SBNO1: variants seen among roughly 807,000 people sequenced by gnomAD.
SBNO1 encodes strawberry notch homolog 1.
A neutral mutation model predicts 173.6 loss-of-function variants in SBNO1; 23 were observed. The observed-to-expected ratio is 0.13, with a 90% CI of 0.10 to 0.19. The LOEUF (loss-of-function observed/expected upper bound fraction) is 0.19, where lower values mean the gene tolerates loss of function less well. Among genes scored for constraint, SBNO1 ranks in the 10% least tolerant of loss-of-function variants. The probability of loss-of-function intolerance (pLI) is 1.00; values close to 1 mark genes in which losing one functional copy is unlikely to be tolerated. For synonymous variants in SBNO1, 632 were observed against 571.5 expected (o/e 1.11, Z -1.51); for missense variants, 1,238 against 1,671.2 (o/e 0.74, Z 4.52).
At position 123,293,178 on chromosome 12, in the gene SBNO1, G is replaced by C. The variant is rs1344753925; in HGVS notation, c.*2730C>G. ...AACAAGGCCTCTGAATTCAGGTGTG[G>C]CATTTAGATCCTGCAATGAATGGAC... On this transcript the variant is annotated 3_prime_UTR_variant, in exon 32 of 32. Transcript: ENST00000602398. 1 of 152,188 alleles carries C rather than the reference G, an allele frequency of 6.6e-6. No individual in the cohort carries two copies. The highest frequency in any genetic ancestry group is 1.9e-4 in the East Asian group (1 of 5,196). 9.4% of individuals were successfully genotyped at this position (152,188 alleles called of 1,614,324 possible).
intron 25 of SBNO1, among the ~76,000 whole-genome samples, chr12:123,310,777 C>CG (rs1445522591): frequency 6.6e-6 from 1 of 152,016 alleles, no homozygotes; most frequent in East Asian, 1.9e-4. Flanking sequence ...TTGTGATCTA[C>CG]CCACCTCAGC....
At chr12:123,346,123 T>C (rs1873104712) in intron 3 of SBNO1, among the ~76,000 whole-genome samples, 1 of 151,958 alleles carries the variant, frequency 6.6e-6, no homozygotes, top group African/African-American at 2.4e-5. Flanking sequence ...AAACCGAAAA[T>C]AACAGGACTA....
chr12:123,302,998 A>T, intron 29 of SBNO1, 98 bp from the exon 30 acceptor site: 2 of 885,678 alleles, frequency 2.3e-6, no homozygotes, highest in Non-Finnish European at 3.7e-6. Context: ...AATTTAAAAT[A>T]ATCTCTACAC....
rs376548231 is a variant in SBNO1 at position 123,341,094 on chromosome 12, G to T, written c.551-6C>A. The T allele has an allele frequency of 1.4e-6, 2 of 1,460,784 alleles. No individual in the cohort carries two copies. Among genetic ancestry groups the T allele is most frequent in the Non-Finnish European group, 9.3e-7 (1 of 1,073,752 alleles). The allele number at this position is 1,460,784 out of a possible 1,614,324, so 90.5% of individuals were successfully genotyped here. Reference sequence around the variant, plus strand: ...TGTACCATTGCTTACATCAGCTGAGGAGGAAAAAGTCAAATTACATTTAGA... The same window carrying T: ...TGTACCATTGCTTACATCAGCTGAGTAGGAAAAAGTCAAATTACATTTAGA... On this transcript the variant is annotated splice_region_variant and splice_polypyrimidine_tract_variant and intron_variant, in intron 4 of 31. Transcript: ENST00000602398.
intron 1 of SBNO1, among the ~76,000 whole-genome samples, chr12:123,361,603 G>A (rs1181082021): frequency 3.4e-5 from 5 of 147,032 alleles, no homozygotes; most frequent in East Asian, 2.1e-4. Flanking sequence ...GCGTGGTGGC[G>A]TGTACCTGTA....
At chr12:123,311,580 C>A (rs1220865569) in intron 24 of SBNO1, among the ~76,000 whole-genome samples, 2 of 151,886 alleles carry the variant, frequency 1.3e-5, no homozygotes, top group Non-Finnish European at 1.5e-5. Flanking sequence ...GTCTCAAACT[C>A]CTAACCTCCG....
At chr12:123,341,177 C>A in intron 4 of SBNO1, 89 bp from the exon 5 acceptor site, 3 of 719,846 alleles carry the variant, frequency 4.2e-6, no homozygotes, top group Non-Finnish European at 6.7e-6. Flanking sequence ...AAGGCTGCTG[C>A]GGTGGCTCAC....
intron 4 of SBNO1, among the ~76,000 whole-genome samples, chr12:123,342,238 A>G (rs1463463110): frequency 1.3e-5 from 2 of 151,952 alleles, no homozygotes; most frequent in African/African-American, 2.4e-5. Flanking sequence ...CAACAAGAGT[A>G]AAACTCTGTC....
intron 7 of SBNO1, among the ~76,000 whole-genome samples, chr12:123,332,730 C>T (rs1211041861): frequency 1.3e-5 from 2 of 151,930 alleles, no homozygotes; most frequent in African/African-American, 4.8e-5. Context: ...CCATGCCTGG[C>T]TAATTTTTGT....
rs760749583 is a variant in SBNO1, at chr12:123,331,249, C to T, written c.1036G>A (p.Ala346Thr). The change falls in exon 8 of 32, where the codon GCA becomes ACA. Residue 346 changes from alanine (A) to threonine (T), a missense_variant. Around this residue, in one of 14 missense-constraint regions of SBNO1, gnomAD observed 56 missense variants for 65.1 expected, o/e 0.86. Coordinates refer to ENST00000602398, the MANE Select transcript of SBNO1 (RefSeq NM_001167856.3). ...CAGTTTTTAAACACTTACCACAATG[C>T]TCGTTTTCTACTCAACAAATAATTT... ...YENYLLSRKR[A>T]LWFSVSNDLK... 4 of 1,613,668 alleles carry T rather than the reference C, an allele frequency of 2.5e-6. No homozygotes were observed. The African/African-American group carries it at 5.3e-5, about 22-fold the overall frequency.
At chr12:123,316,700 CTTCTTTTT>C (rs1389615311) in intron 21 of SBNO1, among the ~76,000 whole-genome samples, 2 of 95,616 alleles carry the variant, frequency 2.1e-5, no homozygotes, top group Non-Finnish European at 5.2e-5. Context: ...TTCTTTTCTT[CTTCTTTTT>C]TTTTTTTTTT....
At chr12:123,340,920 T>C (rs1593393146) in intron 5 of SBNO1, 68 bp downstream of exon 5, 2 of 982,302 alleles carry the variant, frequency 2.0e-6, no homozygotes, top group Non-Finnish European at 3.1e-6. Context: ...TTGTTCCATA[T>C]AGAACACTTT....
intron 1 of SBNO1, among the ~76,000 whole-genome samples, chr12:123,357,248 A>G (rs1388743466): frequency 2.0e-5 from 3 of 151,432 alleles, no homozygotes; most frequent in South Asian, 2.1e-4. Context: ...GGAGTTCGAG[A>G]CCTGACCAGC....
chr12:123,310,541 T>A (rs1262164898), intron 25 of SBNO1, among the ~76,000 whole-genome samples: 1 of 141,050 alleles, frequency 7.1e-6, no homozygotes, highest in African/African-American at 2.7e-5. Flanking sequence ...CAATTTTTTT[T>A]TATTTTTTTA....
intron 5 of SBNO1, among the ~76,000 whole-genome samples, chr12:123,337,290 A>T (rs1356333867): frequency 6.6e-6 from 1 of 152,214 alleles, no homozygotes; most frequent in Non-Finnish European, 1.5e-5. Flanking sequence ...TTAAAGGAAT[A>T]AAGGAAGATC....
At position 123,332,393 on chromosome 12, in the gene SBNO1, G is replaced by C. The variant is rs374082942; in HGVS notation, c.910-1018C>G. Among the ~76,000 whole-genome samples, 6 of 152,170 alleles carry C rather than the reference G, an allele frequency of 3.9e-5. No individual in the cohort carries two copies. In the South Asian group the frequency reaches 6.2e-4, roughly 16 times the overall value. ...CGCAACCTCCGCCTCCTGAGTTCAA[G>C]TGATTCTCCTGCCTCAGCCTCCCGA... On this transcript the variant is annotated intron_variant, in intron 7 of 31. Transcript: ENST00000602398.
chr12:123,332,325 CTT>C (rs933614772), intron 7 of SBNO1, among the ~76,000 whole-genome samples: 15 of 152,230 alleles, frequency 9.9e-5, no homozygotes, highest in African/African-American at 3.4e-4. Flanking sequence ...CAGTTTTGCT[CTT>C]GTTGCCCAGG....
intron 3 of SBNO1, 29 bp from the exon 4 acceptor site, chr12:123,345,599 GA>G: frequency 6.3e-7 from 1 of 1,574,954 alleles, no homozygotes; most frequent in Non-Finnish European, 8.7e-7. Context: ...ACACACCACT[GA>G]AAAATGCTTC....
rs549552022 is a variant in SBNO1, at chr12:123,348,536, G to C, written c.133-403C>G. The stretch of plus-strand genomic sequence containing the variant: ...AATCCCAGCACTTTGGGAGGCCAAG[G>C]CAGGAGGATCACAAGGTCAGGAGAT... On this transcript the variant is annotated intron_variant, in intron 2 of 31. Transcript: ENST00000602398. 5.8e-4 allele frequency among the ~76,000 whole-genome samples: 89 copies of C among 152,274 alleles called. 1 individual carries two copies. The highest frequency in any genetic ancestry group is 2.1e-3 in the African/African-American group (86 of 41,550).
Sources: allele counts gnomAD v4.1 joint callset (sites outside exome capture counted in the v4.1 genomes callset), GRCh38; gene constraint gnomAD v4.1.1; regional missense constraint gnomAD v4.1.1; transcripts MANE v1.5; gene names NCBI Gene and HGNC (gene_info 2026-07-23, HGNC 2026-07-21).